ZNF565: variants seen among roughly 807,000 people sequenced by gnomAD.
ZNF565 encodes zinc finger protein 565.
In ZNF565, 27 loss-of-function variants were observed where a neutral mutation model predicts 39.4. That is an observed-to-expected ratio of 0.69 (90% CI 0.51 to 0.95). The LOEUF (loss-of-function observed/expected upper bound fraction) is 0.95, where lower values mean the gene tolerates loss of function less well. Ranked by LOEUF, ZNF565 falls within the 40% of genes least tolerant of loss-of-function variation. The probability of loss-of-function intolerance (pLI) is 0.00; values close to 1 mark genes in which losing one functional copy is unlikely to be tolerated. For synonymous variants in ZNF565, 185 were observed against 216.6 expected, an observed-to-expected ratio of 0.85 and a Z score of 1.28; for missense variants, 524 against 621.1, an observed-to-expected ratio of 0.84 and a Z score of 1.66.
At chr19:36,230,850 G>A (rs898755745) in intron 1 of ZNF565, among the ~76,000 whole-genome samples, 4 of 152,120 alleles carry the variant, frequency 2.6e-5, no homozygotes, top group Non-Finnish European at 5.9e-5. Context: ...CACCCAGGCT[G>A]GAGTACAGTG....
intron 1 of ZNF565, among the ~76,000 whole-genome samples, chr19:36,210,419 CAAAAAAAAAAAA>C (rs35345882): frequency 1.5e-5 from 1 of 67,030 alleles, no homozygotes; most frequent in Non-Finnish European, 2.7e-5. Flanking sequence ...AATTCTGTCT[CAAAAAAAAAAAA>C]AAAAAAAAAA....
chr19:36,205,426 T>C (rs1320466654), intron 1 of ZNF565, among the ~76,000 whole-genome samples: 1 of 151,682 alleles, frequency 6.6e-6, no homozygotes, highest in Admixed American at 6.6e-5. Context: ...ACTCAGGAGG[T>C]TGAGGCAGGG....
At chr19:36,192,330 T>C (rs187255496) in intron 4 of ZNF565, among the ~76,000 whole-genome samples, 180 of 152,278 alleles carry the variant, frequency 1.2e-3, no homozygotes, top group Non-Finnish European at 2.5e-4. Flanking sequence ...ATATGTGATA[T>C]ACAGAGAAGA....
rs149869320 is a variant in ZNF565 at position 36,192,556 on chromosome 19, C to T, written c.232+1677G>A. 8.6e-4 allele frequency among the ~76,000 whole-genome samples: 131 copies of T among 152,138 alleles called. No homozygotes were observed. In the East Asian group the frequency reaches 0.017, roughly 20 times the overall value. On this transcript the variant is annotated intron_variant, in intron 4 of 4. Transcript: ENST00000304116. ...AGGAGTTTGAGACCAGCCTGGCCAA[C>T]ATAGTGAAACCCTGTATCTACTGAA...
chr19:36,205,168 G>A (rs1241431058), intron 1 of ZNF565, among the ~76,000 whole-genome samples: 3 of 152,018 alleles, frequency 2.0e-5, no homozygotes, highest in East Asian at 1.9e-4. Context: ...TGTGTCGTTC[G>A]CTTAAGCTCA....
intron 1 of ZNF565, among the ~76,000 whole-genome samples, chr19:36,234,716 C>T (rs1977570973): frequency 6.6e-6 from 1 of 152,152 alleles, no homozygotes; most frequent in Non-Finnish European, 1.5e-5. Context: ...CTTTTGTCTT[C>T]AGCTGCAGAA....
chr19:36,203,600 G>C (rs957812865), intron 1 of ZNF565: 3 of 152,278 alleles, frequency 2.0e-5, no homozygotes, highest in African/African-American at 7.2e-5. Context: ...TTTTGAGACA[G>C]GGTCTCACTC....
At chr19:36,202,215 G>C (rs895196062) in intron 1 of ZNF565, among the ~76,000 whole-genome samples, 165 bp from the exon 2 acceptor site, 1 of 151,866 alleles carries the variant, frequency 6.6e-6, no homozygotes, top group African/African-American at 2.4e-5. Context: ...AAGAACTACA[G>C]AGTTGGCCAG....
At chr19:36,225,537 A>G (rs182330902) in intron 1 of ZNF565, among the ~76,000 whole-genome samples, 6 of 149,668 alleles carry the variant, frequency 4.0e-5, no homozygotes, top group Admixed American at 3.3e-4. Context: ...TGCAACCTCA[A>G]CCTCCTAGGC....
At chr19:36,236,804 C>CA (rs1195449074) in intron 1 of ZNF565, 1 of 1,613,990 alleles carries the variant, frequency 6.2e-7, no homozygotes, top group Non-Finnish European at 8.5e-7. Flanking sequence ...CCAGAGAACT[C>CA]ACACAGGAGA....
intron 1 of ZNF565, among the ~76,000 whole-genome samples, chr19:36,232,436 G>T (rs1476457181): frequency 6.6e-6 from 1 of 151,926 alleles, no homozygotes; most frequent in Non-Finnish European, 1.5e-5. Context: ...CTCAGCAAAT[G>T]ATACCTTAAA....
chr19:36,212,573 G>C (rs1241993010), intron 1 of ZNF565, among the ~76,000 whole-genome samples: 2 of 150,844 alleles, frequency 1.3e-5, no homozygotes, highest in African/African-American at 4.9e-5. Flanking sequence ...AGTGAGCTGA[G>C]ATCACAGCAC....
intron 4 of ZNF565, among the ~76,000 whole-genome samples, chr19:36,188,432 C>T (rs1395176687): frequency 6.6e-6 from 1 of 151,728 alleles, no homozygotes; most frequent in Non-Finnish European, 1.5e-5. Context: ...GATGAGGGGG[C>T]CGCATGTGGT....
intron 1 of ZNF565, among the ~76,000 whole-genome samples, chr19:36,224,077 T>C (rs1482700328): frequency 2.0e-5 from 3 of 152,186 alleles, no homozygotes; most frequent in Non-Finnish European, 4.4e-5. Context: ...TTCTTTGACA[T>C]CATTTATTAA....
intron 4 of ZNF565, among the ~76,000 whole-genome samples, chr19:36,186,653 G>A (rs1036985647): frequency 5.3e-5 from 8 of 152,106 alleles, no homozygotes; most frequent in African/African-American, 1.7e-4. Flanking sequence ...GCTGGGCATG[G>A]TGGCAGGCAC....
chr19:36,226,740 G>A (rs1035796000), intron 1 of ZNF565, among the ~76,000 whole-genome samples: 4 of 152,140 alleles, frequency 2.6e-5, no homozygotes, highest in African/African-American at 9.7e-5. Context: ...TTAATCCAAA[G>A]TCCATATTCA....
At chr19:36,234,331 C>A in intron 1 of ZNF565, among the ~76,000 whole-genome samples, 1 of 64,238 alleles carries the variant, frequency 1.6e-5, no homozygotes, top group Non-Finnish European at 4.1e-5. Context: ...CTTTTCCCCA[C>A]ACAGCCTGGG....
At chr19:36,232,798 C>T (rs1052550554) in intron 1 of ZNF565, among the ~76,000 whole-genome samples, 15 of 151,854 alleles carry the variant, frequency 9.9e-5, no homozygotes, top group African/African-American at 9.7e-5. Flanking sequence ...TTAGTAGAGA[C>T]GAGGTTTCAC....
chr19:36,184,200 G>A (rs1975207678), intron 4 of ZNF565, among the ~76,000 whole-genome samples: 1 of 149,844 alleles, frequency 6.7e-6, no homozygotes, highest in Non-Finnish European at 1.5e-5. Context: ...GCAGATGAAA[G>A]CACACCATGT....
Sources: allele counts gnomAD v4.1 joint callset (sites outside exome capture counted in the v4.1 genomes callset), GRCh38; gene constraint gnomAD v4.1.1; transcripts MANE v1.5; gene names NCBI Gene and HGNC (gene_info 2026-07-23, HGNC 2026-07-21).